The following CDH26 variants were observed in gnomAD, a reference collection of about 807,000 sequenced individuals.
CDH26 encodes cadherin 26, also known as cadherin-like protein 26.
Under a neutral mutation model 90.3 loss-of-function variants are expected in CDH26, and 83 were observed. That is an observed-to-expected ratio of 0.92 (90% CI 0.77 to 1.10). The LOEUF (loss-of-function observed/expected upper bound fraction) is 1.10. Among genes scored for constraint, CDH26 ranks in the 50% least tolerant of loss-of-function variants. CDH26 has a pLI of 0.00. For synonymous variants in CDH26, 397 were observed against 396.3 expected (o/e 1.00, Z -0.02); for missense variants, 1,013 against 1,037.6 (o/e 0.98, Z 0.33).
chr20:59,959,410 AT>A (rs369592815), intron 1 of CDH26, among the ~76,000 whole-genome samples: 5,062 of 142,446 alleles, frequency 0.036, 79 homozygotes, highest in Middle Eastern at 0.049. Flanking sequence ...AACACACACA[AT>A]TTTTTTTTTT....
chr20:60,011,422 T>G (rs1398634178), intron 17 of CDH26, among the ~76,000 whole-genome samples: 2 of 152,240 alleles, frequency 1.3e-5, no homozygotes, highest in African/African-American at 4.8e-5. Context: ...TTTGGCGTGC[T>G]TGTTATTGTG....
At chr20:59,974,729 A>G (rs1352054141) in intron 4 of CDH26, among the ~76,000 whole-genome samples, 3 of 152,158 alleles carry the variant, frequency 2.0e-5, no homozygotes, top group Admixed American at 2.0e-4. Context: ...CCTGTCATTT[A>G]ACTACAGACT....
downstream of CDH26, chr20:60,014,661 A>G (rs1014987596): frequency 6.6e-6 from 1 of 152,176 alleles, no homozygotes; most frequent in African/African-American, 2.4e-5. Flanking sequence ...ATAATATTTC[A>G]TTGTGTATAT....
At chr20:59,967,853 CT>C (rs1294962537) in intron 1 of CDH26, among the ~76,000 whole-genome samples, 24 of 100,198 alleles carry the variant, frequency 2.4e-4, no homozygotes, top group African/African-American at 1.2e-3. Context: ...TTCTTTCTTT[CT>C]TTCTTTCTTT....
intron 7 of CDH26, among the ~76,000 whole-genome samples, chr20:60,026,564 C>T (rs1008041570): frequency 3.9e-5 from 6 of 152,204 alleles, no homozygotes; most frequent in Admixed American, 3.3e-4. Flanking sequence ...AGGATCTGAG[C>T]ATCCCCTCAC....
intron 7 of CDH26, 150 bp downstream of exon 7, chr20:59,985,279 T>A: frequency 1.0e-6 from 1 of 1,002,146 alleles, no homozygotes; most frequent in Non-Finnish European, 1.4e-6. Context: ...GAAAAGAGGT[T>A]TAATTGGCTC....
downstream of CDH26, among the ~76,000 whole-genome samples, chr20:60,016,908 T>C (rs966536803): frequency 1.2e-4 from 19 of 152,134 alleles, no homozygotes; most frequent in Non-Finnish European, 1.5e-5. Flanking sequence ...GTTGATGTGA[T>C]GTATCATGTG....
At chr20:60,020,810 C>T (rs1476169304) in intron 7 of CDH26, among the ~76,000 whole-genome samples, 1 of 152,160 alleles carries the variant, frequency 6.6e-6, no homozygotes, top group African/African-American at 2.4e-5. Flanking sequence ...ATCCTTGCAG[C>T]TCTCCAAACT....
At chr20:60,007,475 CAG>C (rs1215241701) in intron 17 of CDH26, among the ~76,000 whole-genome samples, 2 of 152,208 alleles carry the variant, frequency 1.3e-5, no homozygotes, top group African/African-American at 4.8e-5. Context: ...GCAGTACACT[CAG>C]AGTCAGAAAT....
At chr20:59,978,512 T>A (rs1443927357) in intron 4 of CDH26, among the ~76,000 whole-genome samples, 5 of 151,874 alleles carry the variant, frequency 3.3e-5, no homozygotes, top group Non-Finnish European at 4.4e-5. Context: ...AGTAGTGGGA[T>A]TACAGGCACC....
At chr20:60,033,860 C>CCATCCACAGTTTGCAGAGGA in exon 9 of CDH26, 1 of 887,112 alleles carries the variant, frequency 1.1e-6, no homozygotes, top group Non-Finnish European at 1.4e-6. Context: ...TTTTCCTCTG[C>CCATCCACAGTTTGCAGAGGA]AAACTGTGGA....
At position 59,994,272 on chromosome 20, in the gene CDH26, A is replaced by C; in HGVS notation, c.1449A>C (p.Thr483=). 6.2e-7 allele frequency: 1 copy of C among 1,613,802 alleles called. No homozygotes were observed. Among genetic ancestry groups the C allele is most frequent in the South Asian group, 1.1e-5 (1 of 91,012 alleles). ...VDDGFPPQTA[T]GTLMLFLSDI... is the part of the protein sequence containing the mutation. ...AAGGCTTCCCACCGCAGACTGCTAC[A>C]GGGACCCTAATGCTCTTCCTGTCTG... The change falls in exon 11 of 18, where the codon ACA becomes ACC. Residue 483 remains threonine, a synonymous_variant. Transcript: ENST00000348616.
At chr20:60,005,922 CAGAACACGCCA>C (rs1322123943) in intron 16 of CDH26, among the ~76,000 whole-genome samples, 1 of 152,354 alleles carries the variant, frequency 6.6e-6, no homozygotes, top group East Asian at 1.9e-4. Context: ...GCTCCAGCCA[CAGAACACGCCA>C]AGTTCCCTCC....
At chr20:60,031,210 C>T in intron 7 of CDH26, 1 of 1,133,272 alleles carries the variant, frequency 8.8e-7, no homozygotes, top group Non-Finnish European at 1.1e-6. Flanking sequence ...CTAATGAGCA[C>T]CTCTTACCTG....
intron 4 of CDH26, among the ~76,000 whole-genome samples, chr20:59,972,971 A>G (rs1038077002): frequency 6.6e-6 from 1 of 152,312 alleles, no homozygotes. Flanking sequence ...TAAAACTCCA[A>G]TGAACATGCA....
intron 17 of CDH26, among the ~76,000 whole-genome samples, chr20:60,009,550 C>T (rs554689937): frequency 6.6e-6 from 1 of 152,286 alleles, no homozygotes; most frequent in African/African-American, 2.4e-5. Context: ...CCGCGGGCCC[C>T]CCTCCTCCCT....
At chr20:60,032,078 T>C (rs1480322359) in intron 8 of CDH26, among the ~76,000 whole-genome samples, 1 of 152,224 alleles carries the variant, frequency 6.6e-6, no homozygotes, top group African/African-American at 2.4e-5. Context: ...ATTATTAAAA[T>C]GGTGGCATAA....
At chr20:59,990,457 G>C (rs146877656) in intron 9 of CDH26, among the ~76,000 whole-genome samples, 2 of 152,066 alleles carry the variant, frequency 1.3e-5, no homozygotes, top group African/African-American at 2.4e-5. Context: ...CTCATTTCTC[G>C]TGCTTACTTG....
At position 60,030,801 on chromosome 20, in the gene CDH26, C is replaced by T. The variant is rs929575829; in HGVS notation, c.948-430C>T. ...TGGGTTCTAATGACATTGCTTAAGTCCTGCACCTAGTTAAGAAGCCATGAC... is the reference window on the plus strand; with the variant it reads ...TGGGTTCTAATGACATTGCTTAAGTTCTGCACCTAGTTAAGAAGCCATGAC... On this transcript the variant is annotated intron_variant, in intron 7 of 8. Transcript: ENST00000370991. This position sits in a 1 kb window ranked among gnomAD's most constrained non-coding sequence, Gnocchi z 4.0. 6.6e-6 allele frequency among the ~76,000 whole-genome samples: 1 copy of T among 152,110 alleles called. No individual in the cohort carries two copies. Among genetic ancestry groups the T allele is most frequent in the African/African-American group, 2.4e-5 (1 of 41,410 alleles).
Sources: allele counts gnomAD v4.1 joint callset (sites outside exome capture counted in the v4.1 genomes callset), GRCh38; gene constraint gnomAD v4.1.1; non-coding constraint Gnocchi (gnomAD v3.1); transcripts MANE v1.5; gene names NCBI Gene and HGNC (gene_info 2026-07-23, HGNC 2026-07-21).